Variants in FRYL observed in about 807,000 individuals in gnomAD.
FRYL encodes protein furry homolog-like.
A neutral mutation model predicts 351.2 loss-of-function variants in FRYL; 150 were observed. The observed-to-expected ratio is 0.43, with a 90% CI of 0.37 to 0.49. The LOEUF is 0.49. Ranked by LOEUF, FRYL falls within the 20% of genes least tolerant of loss-of-function variation. The pLI is 0.00. For missense variants in FRYL, 3,036 were observed against 3,619.3 expected (o/e 0.84, Z 4.13); for synonymous variants, 1,153 against 1,257.1 (o/e 0.92, Z 1.75).
At chr4:48,512,243 G>A (rs949751686) in intron 57 of FRYL, among the ~76,000 whole-genome samples, 3 of 152,026 alleles carry the variant, frequency 2.0e-5, no homozygotes, top group African/African-American at 2.4e-5. Context: ...CATATCAGAC[G>A]TTGTTTTGAA....
At chr4:48,648,342 T>G (rs1430233220) in intron 3 of FRYL, among the ~76,000 whole-genome samples, 1 of 152,194 alleles carries the variant, frequency 6.6e-6, no homozygotes, top group African/African-American at 2.4e-5. Context: ...CTTGCTTAAC[T>G]TTCCAGCTTC....
chr4:48,540,799 C>T lies in FRYL; in HGVS notation c.5849G>A (p.Arg1950Gln), dbSNP rs772238305. The part of the protein sequence containing the change: ...NSLRLSLIGD[R>Q]RGDRRRSNTL... ...GTTACTCCGCCGCCGGTCACCTCGT[C>T]GGTCACCAATCAAACTTAATCTCAA... is the stretch of plus-strand genomic sequence containing the variant. The change falls in exon 46 of 64, where the codon CGA (arginine) becomes CAA (glutamine). Residue 1950 changes from arginine to glutamine, a missense_variant. Physicochemically the swap from Arg to Gln is conservative, Grantham distance 43. This residue lies in a region of FRYL where 1,987 missense variants were observed against 2,311.7 expected (regional missense o/e 0.86). Transcript: ENST00000358350. 57 of 1,613,802 alleles carry T rather than the reference C, an allele frequency of 3.5e-5. No individual in the cohort carries two copies. Among genetic ancestry groups the T allele is most frequent in the Middle Eastern group, 1.6e-4 (1 of 6,078 alleles).
intron 3 of FRYL, among the ~76,000 whole-genome samples, chr4:48,642,308 A>G (rs1166016263): frequency 6.6e-6 from 1 of 152,200 alleles, no homozygotes; most frequent in East Asian, 1.9e-4. Flanking sequence ...TATATTATAA[A>G]ACCTCTTGTC....
intron 1 of FRYL, among the ~76,000 whole-genome samples, chr4:48,773,916 C>T (rs1175928029): frequency 6.6e-6 from 1 of 152,164 alleles, no homozygotes; most frequent in Non-Finnish European, 1.5e-5. Flanking sequence ...CAGAGTGAGA[C>T]TCTGTATCAA....
chr4:48,759,496 G>A (rs574009739), intron 1 of FRYL, among the ~76,000 whole-genome samples: 3 of 152,264 alleles, frequency 2.0e-5, no homozygotes, highest in East Asian at 1.9e-4. Flanking sequence ...TTTGGAGGTC[G>A]GAAGTCCAAA....
intron 2 of FRYL, among the ~76,000 whole-genome samples, chr4:48,708,805 G>A (rs1767668785): frequency 6.6e-6 from 1 of 152,024 alleles, no homozygotes; most frequent in African/African-American, 2.4e-5. Context: ...TGTTGCCCAG[G>A]CTGGTCTCAA....
chr4:48,502,896 C>CA, intron 60 of FRYL, 51 bp from the exon 61 acceptor site: 5 of 1,482,070 alleles, frequency 3.4e-6, no homozygotes, highest in Non-Finnish European at 4.7e-6. Flanking sequence ...AGAAAAAGAC[C>CA]AAGAATTAGT....
chr4:48,553,171 T>C (rs1733276318), intron 36 of FRYL, 44 bp downstream of exon 36: 6 of 1,502,164 alleles, frequency 4.0e-6, no homozygotes, highest in African/African-American at 2.8e-5. Flanking sequence ...CAGATGAAGA[T>C]GTCTATCATC....
At chr4:48,770,591 C>A (rs1775410996) in intron 1 of FRYL, among the ~76,000 whole-genome samples, 1 of 152,052 alleles carries the variant, frequency 6.6e-6, no homozygotes, top group Non-Finnish European at 1.5e-5. Context: ...GCATGCACTA[C>A]CACGCCTGGC....
chr4:48,593,271 C>CAAAAAA (rs35026740), intron 16 of FRYL, among the ~76,000 whole-genome samples: 1 of 133,730 alleles, frequency 7.5e-6, no homozygotes. Context: ...AAAAAACAAC[C>CAAAAAA]AAAAAAAAAA....
chr4:48,581,023 C>A, intron 21 of FRYL, 72 bp from the exon 22 acceptor site: 7 of 835,940 alleles, frequency 8.4e-6, no homozygotes, highest in South Asian at 1.9e-5. Flanking sequence ...CAAGTAAACA[C>A]TAAAAATTCA....
At chr4:48,675,663 C>T (rs187683810) in intron 3 of FRYL, among the ~76,000 whole-genome samples, 375 of 152,332 alleles carry the variant, frequency 2.5e-3, no homozygotes, top group African/African-American at 8.1e-3. Flanking sequence ...GCCTCCCCGA[C>T]GAGCACCACT....
chr4:48,661,664 C>CA (rs1760745390), intron 3 of FRYL, among the ~76,000 whole-genome samples: 1 of 152,174 alleles, frequency 6.6e-6, no homozygotes, highest in African/African-American at 2.4e-5. Context: ...AATAATGTGA[C>CA]AAAATCCAGC....
At chr4:48,538,320 T>C (rs932232015) in intron 47 of FRYL, among the ~76,000 whole-genome samples, 12 of 1,020 alleles carry the variant, frequency 0.012, no homozygotes, top group Non-Finnish European at 0.044. Flanking sequence ...GCTTTTAGAA[T>C]AATTATATTA....
intron 3 of FRYL, among the ~76,000 whole-genome samples, chr4:48,642,890 G>C (rs1264116669): frequency 6.6e-6 from 1 of 152,094 alleles, no homozygotes; most frequent in Non-Finnish European, 1.5e-5. Context: ...ACTTGACTTG[G>C]CTACTCATGA....
Position 48,522,882 on chromosome 4 carries a change from A to C in FRYL, c.7521+19T>G. On this transcript the variant is annotated intron_variant, in intron 54 of 63. Transcript: ENST00000358350. ...GAAAATGAGACCAAATGTCACTGTA[A>C]GAAAAGTGAATTGTATACCATCTGT... The C allele has an allele frequency of 6.3e-7, 1 of 1,588,618 alleles. No homozygotes were observed. The highest frequency in any genetic ancestry group is 8.6e-7 in the Non-Finnish European group (1 of 1,156,812).
intron 1 of FRYL, among the ~76,000 whole-genome samples, chr4:48,762,583 T>C (rs1774525229): frequency 6.6e-6 from 1 of 152,328 alleles, no homozygotes; most frequent in East Asian, 1.9e-4. Context: ...ATGTCTTTGA[T>C]GTAACTTATA....
At chr4:48,618,125 G>T (rs542409418) in intron 7 of FRYL, 2 of 152,248 alleles carry the variant, frequency 1.3e-5, no homozygotes, top group South Asian at 4.1e-4. Context: ...AGAGATCACA[G>T]AAGTCAAATT....
At chr4:48,644,258 G>A (rs1217941160) in intron 3 of FRYL, among the ~76,000 whole-genome samples, 1 of 152,070 alleles carries the variant, frequency 6.6e-6, no homozygotes, top group Non-Finnish European at 1.5e-5. Flanking sequence ...CTAAAATTTT[G>A]AGACTGTTTT....
Sources: allele counts gnomAD v4.1 joint callset (sites outside exome capture counted in the v4.1 genomes callset), GRCh38; gene constraint gnomAD v4.1.1; regional missense constraint gnomAD v4.1.1; transcripts MANE v1.5; gene names NCBI Gene and HGNC (gene_info 2026-07-23, HGNC 2026-07-21).